The following TAX1BP1 variants were observed in gnomAD, a reference collection of about 807,000 sequenced individuals.
TAX1BP1 encodes the protein tax1-binding protein 1.
TAX1BP1 carries 62 observed loss-of-function variants against 97.7 expected under a neutral mutation model. The ratio of observed to expected loss-of-function variants is 0.63; its 90% confidence interval spans 0.52 to 0.78. TAX1BP1 has a LOEUF of 0.78. TAX1BP1 is among the 30% of genes least tolerant of loss of function. The pLI is 0.00. For missense variants in TAX1BP1, 867 were observed against 916.1 expected, an observed-to-expected ratio of 0.95 and a Z score of 0.69; for synonymous variants, 340 against 304.2, an observed-to-expected ratio of 1.12 and a Z score of -1.23.
chr7:27,810,051 G>C (rs1235725543), intron 13 of TAX1BP1, among the ~76,000 whole-genome samples: 1 of 151,974 alleles, frequency 6.6e-6, no homozygotes, highest in Non-Finnish European at 1.5e-5. Flanking sequence ...GGGACTACAG[G>C]TGTGTGCCAC....
Position 27,772,998 on chromosome 7 carries a change from C to G in TAX1BP1, c.612+3164C>G, listed in dbSNP as rs73295565. 6.4e-3 allele frequency among the ~76,000 whole-genome samples: 966 copies of G among 152,116 alleles called. 13 individuals carry two copies. The highest frequency in any genetic ancestry group is 0.022 in the African/African-American group (929 of 41,536). ...ACTGTAAGGGAAGATTTCTCCCCTC[C>G]TCTCTTGAAAAAGGCTCATTAATAA... On this transcript the variant is annotated intron_variant, in intron 5 of 16. Coordinates refer to ENST00000396319, the MANE Select transcript of TAX1BP1 (RefSeq NM_006024.7).
At chr7:27,778,892 T>G (rs2128314406) in intron 5 of TAX1BP1, among the ~76,000 whole-genome samples, 2 of 151,144 alleles carry the variant, frequency 1.3e-5, no homozygotes, top group East Asian at 1.9e-4. Context: ...ATTTGGATGG[T>G]TTTTTGTATA....
chr7:27,757,016 G>GT (rs1196104900), intron 2 of TAX1BP1, among the ~76,000 whole-genome samples: 1 of 152,060 alleles, frequency 6.6e-6, no homozygotes, highest in African/African-American at 2.4e-5. Flanking sequence ...CACTAAATTG[G>GT]TTTTATCACT....
chr7:27,746,544 A>C (rs1168483835), intron 1 of TAX1BP1, among the ~76,000 whole-genome samples: 1 of 151,922 alleles, frequency 6.6e-6, no homozygotes, highest in African/African-American at 2.4e-5. Context: ...AAAACTCTTC[A>C]GTTATTTTAG....
chr7:27,786,819 A>G (rs1789502788), intron 7 of TAX1BP1, among the ~76,000 whole-genome samples: 1 of 152,220 alleles, frequency 6.6e-6, no homozygotes, highest in African/African-American at 2.4e-5. Flanking sequence ...GATATACTTG[A>G]TAGTGTACAC....
Position 27,785,430 on chromosome 7 carries a change from G to C in TAX1BP1, c.793G>C (p.Glu265Gln). The change falls in exon 7 of 17, where the codon GAA (glutamate) becomes CAA (glutamine). Residue 265 changes from glutamate (E) to glutamine (Q), a missense_variant. Physicochemically the swap from Glu to Gln is conservative, Grantham distance 29 (BLOSUM62 2). Coordinates refer to ENST00000396319, the MANE Select transcript of TAX1BP1 (RefSeq NM_006024.7). ...LKDKLKKAQH[E>Q]REQLECQLKT... ...GGACAAACTCAAGAAGGCACAACAT[G>C]AAAGAGAACAACTTGAATGTCAGTT... The C allele has an allele frequency of 1.2e-6, 2 of 1,613,666 alleles. No individual in the cohort carries two copies. The highest frequency in any genetic ancestry group is 1.7e-6 in the Non-Finnish European group (2 of 1,179,884).
At chr7:27,795,346 G>A (rs188801529) in intron 11 of TAX1BP1, among the ~76,000 whole-genome samples, 7 of 152,066 alleles carry the variant, frequency 4.6e-5, no homozygotes, top group South Asian at 2.1e-4. Flanking sequence ...GGTGGCATGC[G>A]CTTGTACTCC....
At chr7:27,760,101 G>T (rs183420530) in intron 3 of TAX1BP1, among the ~76,000 whole-genome samples, 6 of 152,052 alleles carry the variant, frequency 3.9e-5, no homozygotes, top group African/African-American at 1.4e-4. Context: ...TGATCCACCC[G>T]CCTCGGCCTC....
At position 27,785,475 on chromosome 7, in the gene TAX1BP1, A is replaced by G. The variant is rs373589178; in HGVS notation, c.838A>G (p.Lys280Glu). 1.2e-6 allele frequency: 2 copies of G among 1,611,378 alleles called. No individual in the cohort carries two copies. Among genetic ancestry groups the G allele is most frequent in the Non-Finnish European group, 1.7e-6 (2 of 1,179,054 alleles). The change falls in exon 7 of 17, where the codon AAG (lysine) becomes GAG (glutamate). Residue 280 changes from lysine (K) to glutamate (E), a missense_variant. Physicochemically the swap from Lys to Glu is moderately conservative, Grantham distance 56 (BLOSUM62 1). Coordinates refer to ENST00000396319, the MANE Select transcript of TAX1BP1 (RefSeq NM_006024.7). ...ECQLKTEKDE[K>E]ELYKVHLKNT... ...TCAGTTGAAGACAGAGAAGGATGAA[A>G]AGGAACTTTATAAGGTAATTTATTT...
intron 2 of TAX1BP1, among the ~76,000 whole-genome samples, chr7:27,756,588 C>T (rs1788224896): frequency 6.6e-6 from 1 of 152,162 alleles, no homozygotes; most frequent in Non-Finnish European, 1.5e-5. Context: ...TTTTCCAAAA[C>T]CATACAGCTA....
chr7:27,799,853 G>C, intron 12 of TAX1BP1, 112 bp from the exon 13 acceptor site: 1 of 687,716 alleles, frequency 1.5e-6, no homozygotes, highest in Non-Finnish European at 2.2e-6. Context: ...CAATTTTTAT[G>C]CTGTTACAAC....
intron 13 of TAX1BP1, among the ~76,000 whole-genome samples, chr7:27,806,277 G>T (rs1790334280): frequency 6.6e-6 from 1 of 152,018 alleles, no homozygotes; most frequent in African/African-American, 2.4e-5. Context: ...GTAGAGACAG[G>T]GTTTTGCCAT....
rs150429806 is a variant in TAX1BP1, at chr7:27,814,758, C to T, written c.1765-1591C>T. Among the ~76,000 whole-genome samples the T allele has an allele frequency of 1.3e-3, 190 of 150,140 alleles. 2 individuals carry two copies. Among genetic ancestry groups the T allele is most frequent in the African/African-American group, 4.3e-3 (178 of 40,928 alleles). ...CATTTTTCTAGTTTTTTTTTTGAGA[C>T]GGAGTCTCATTCTGTCACCCATGCT... On this transcript the variant is annotated intron_variant, in intron 13 of 16. Coordinates refer to ENST00000396319, the MANE Select transcript of TAX1BP1 (RefSeq NM_006024.7).
At chr7:27,815,733 C>CT (rs1234554860) in intron 13 of TAX1BP1, among the ~76,000 whole-genome samples, 1 of 151,848 alleles carries the variant, frequency 6.6e-6, no homozygotes, top group Admixed American at 6.6e-5. Context: ...TCACGTTTTT[C>CT]TTTTTTTAAG....
intron 8 of TAX1BP1, among the ~76,000 whole-genome samples, chr7:27,789,690 CTTGA>C (rs748695678): frequency 2.0e-5 from 3 of 150,714 alleles, no homozygotes; most frequent in Non-Finnish European, 3.0e-5. Context: ...ATAGATTTAC[CTTGA>C]TTGATTCATT....
intron 1 of TAX1BP1, among the ~76,000 whole-genome samples, chr7:27,740,835 G>A (rs1027862835): frequency 6.6e-5 from 10 of 152,230 alleles, no homozygotes; most frequent in Admixed American, 3.3e-4. Flanking sequence ...AGGGCCGCGG[G>A]CGGAGTTGGC....
Position 27,769,455 on chromosome 7 carries a change from ATT to A in TAX1BP1, c.454-218_454-217del, listed in dbSNP as rs949780399. Among the ~76,000 whole-genome samples, 4 of 151,830 alleles carry A rather than the reference ATT, an allele frequency of 2.6e-5. 1 individual carries two copies. Among genetic ancestry groups the A allele is most frequent in the Admixed American group, 2.0e-4 (3 of 15,232 alleles). ...TAATACAGTTCTCTCATTTTGTAAT[ATT>A]TTCTTCTTTGCTCAACCAAAAGAAG... On this transcript the variant is annotated intron_variant, in intron 4 of 16. Transcript: ENST00000396319.
chr7:27,817,194 A>AT (rs945426929), intron 15 of TAX1BP1, among the ~76,000 whole-genome samples, 156 bp downstream of exon 15: 2 of 152,140 alleles, frequency 1.3e-5, no homozygotes, highest in Admixed American at 6.6e-5. Flanking sequence ...TGCCTACTTG[A>AT]TTTTTTGAAA....
At chr7:27,783,049 T>A (rs1300862946) in intron 5 of TAX1BP1, among the ~76,000 whole-genome samples, 2 of 152,100 alleles carry the variant, frequency 1.3e-5, no homozygotes, top group Non-Finnish European at 2.9e-5. Context: ...GAAACAGTGA[T>A]TTTTTTAGTT....
Sources: gnomAD v4.1 joint callset for allele counts (sites outside exome capture counted in the v4.1 genomes callset) on GRCh38, gnomAD v4.1.1 for gene constraint, MANE v1.5 for transcripts, NCBI Gene and HGNC (gene_info 2026-07-23, HGNC 2026-07-21) for gene names.